The following TAS2R1 variants were observed in gnomAD, a reference collection of about 807,000 sequenced individuals.
TAS2R1 encodes taste 2 receptor member 1, also known as taste receptor type 2 member 1.
For missense variants in TAS2R1, 370 were observed against 353.4 expected (o/e 1.05, Z -0.38); for synonymous variants, 141 against 134.2 (o/e 1.05, Z -0.35).
chr5:9,834,753 TAA>T, the TAS2R1 span, among the ~76,000 whole-genome samples: 10 of 145,574 alleles, frequency 6.9e-5, no homozygotes, highest in South Asian at 2.2e-4. Context: ...ATTACTGCAT[TAA>T]AAAAAAAAAA....
chr5:9,727,927 A>C, the TAS2R1 span, among the ~76,000 whole-genome samples: 1 of 152,218 alleles, frequency 6.6e-6, no homozygotes, highest in African/African-American at 2.4e-5. Flanking sequence ...GGTAGAATGC[A>C]TCTTGGGTAT....
At chr5:9,731,103 C>T in the TAS2R1 span, among the ~76,000 whole-genome samples, 1 of 152,110 alleles carries the variant, frequency 6.6e-6, no homozygotes, top group Non-Finnish European at 1.5e-5. Flanking sequence ...GGTATGCCCT[C>T]CACCAGCTGA....
intron 1 of TAS2R1, among the ~76,000 whole-genome samples, chr5:9,672,997 A>T (rs999377779): frequency 2.6e-5 from 4 of 152,204 alleles, no homozygotes; most frequent in African/African-American, 9.6e-5. Context: ...TTGCAGCAAC[A>T]TGGAGGAAGC....
the TAS2R1 span, among the ~76,000 whole-genome samples, chr5:9,872,870 C>T: frequency 3.7e-4 from 56 of 152,306 alleles, no homozygotes; most frequent in East Asian, 9.6e-3. Context: ...TAAAATTCGC[C>T]AGTGCCCTGT....
the TAS2R1 span, among the ~76,000 whole-genome samples, chr5:9,728,688 G>A: frequency 2.6e-5 from 4 of 152,226 alleles, no homozygotes; most frequent in Non-Finnish European, 4.4e-5. Context: ...TCCCAGATGA[G>A]CTGAAGAAAT....
At position 9,660,056 on chromosome 5, in the gene TAS2R1, C is replaced by CTTTTTTTTT. The variant is rs1171409076; in HGVS notation, c.-241-484_-241-476dup. 63 of 123,110 alleles carry CTTTTTTTTT rather than the reference C, an allele frequency of 5.1e-4. 3 individuals carry two copies. Among genetic ancestry groups the CTTTTTTTTT allele is most frequent in the African/African-American group, 1.9e-3 (61 of 32,170 alleles). The allele number at this position is 123,110 out of a possible 1,614,324, so 7.6% of individuals were successfully genotyped here. ...CATTATGGAAAATCCTGAAATATTT[C>CTTTTTTTTT]TTTTTTTTTTTTTTTTTTTTGAGAC... On this transcript the variant is annotated intron_variant, in intron 1 of 2. Coordinates refer to the TAS2R1 transcript ENST00000506620.
the TAS2R1 span, among the ~76,000 whole-genome samples, chr5:9,802,103 T>C: frequency 2.4e-3 from 368 of 152,330 alleles, 1 homozygote; most frequent in African/African-American, 8.5e-3. Flanking sequence ...CACCACCTAC[T>C]GGCTGGCAGC....
chr5:9,877,193 C>A, the TAS2R1 span, among the ~76,000 whole-genome samples: 1 of 152,176 alleles, frequency 6.6e-6, no homozygotes, highest in Non-Finnish European at 1.5e-5. Flanking sequence ...TCTTGAAACC[C>A]ACTCTTCAAG....
chr5:9,840,857 A>ATTTTTTTTTTTTTT, the TAS2R1 span, among the ~76,000 whole-genome samples: 2 of 132,086 alleles, frequency 1.5e-5, no homozygotes, highest in African/African-American at 5.6e-5. Flanking sequence ...TTATTTATTT[A>ATTTTTTTTTTTTTT]TTTTTTTTTT....
chr5:9,751,107 A>T, the TAS2R1 span, among the ~76,000 whole-genome samples: 2 of 150,992 alleles, frequency 1.3e-5, no homozygotes, highest in Non-Finnish European at 2.9e-5. Flanking sequence ...GGTTCCTTAA[A>T]TATAAACTAA....
chr5:9,824,769 C>G, the TAS2R1 span, among the ~76,000 whole-genome samples: 1 of 149,666 alleles, frequency 6.7e-6, no homozygotes, highest in African/African-American at 2.5e-5. Flanking sequence ...ATAGCTTGAA[C>G]CTGGGCAGCG....
the TAS2R1 span, among the ~76,000 whole-genome samples, chr5:9,844,243 G>T: frequency 6.6e-6 from 1 of 152,120 alleles, no homozygotes; most frequent in African/African-American, 2.4e-5. Flanking sequence ...CCTCTTCCCA[G>T]ATTAAAACCC....
the TAS2R1 span, among the ~76,000 whole-genome samples, chr5:9,864,628 C>T: frequency 6.9e-6 from 1 of 145,270 alleles, no homozygotes; most frequent in Non-Finnish European, 1.5e-5. Flanking sequence ...AGCTAGACTC[C>T]ACTCAAAAAA....
chr5:9,700,717 T>C (rs1741461964), intron 1 of TAS2R1, among the ~76,000 whole-genome samples: 1 of 92,770 alleles, frequency 1.1e-5, no homozygotes, highest in African/African-American at 3.7e-5. Flanking sequence ...GCAGGATCAG[T>C]TTTCTCTGTT....
chr5:9,641,692 G>A (rs562423462), intron 2 of TAS2R1, among the ~76,000 whole-genome samples: 4 of 152,222 alleles, frequency 2.6e-5, no homozygotes, highest in Admixed American at 6.5e-5. Context: ...TGTTGGTCAT[G>A]CTCTTGCACT....
chr5:9,771,846 G>T, the TAS2R1 span, among the ~76,000 whole-genome samples: 2 of 152,002 alleles, frequency 1.3e-5, no homozygotes, highest in African/African-American at 4.8e-5. Flanking sequence ...TGAAGTGTCA[G>T]TTGTAATGTC....
chr5:9,725,334 C>T, the TAS2R1 span, among the ~76,000 whole-genome samples: 2 of 152,230 alleles, frequency 1.3e-5, no homozygotes, highest in South Asian at 4.1e-4. Context: ...GGAACCGGGG[C>T]TGCGCGCGGA....
At chr5:9,711,912 C>G (rs10072925) in intron 1 of TAS2R1, among the ~76,000 whole-genome samples, 13 of 151,662 alleles carry the variant, frequency 8.6e-5, no homozygotes, top group African/African-American at 3.1e-4. Flanking sequence ...GCGATGCACC[C>G]ACCTCGGCCT....
chr5:9,838,803 A>G, the TAS2R1 span, among the ~76,000 whole-genome samples: 9 of 152,346 alleles, frequency 5.9e-5, no homozygotes, highest in African/African-American at 2.2e-4. Context: ...CAGTTCCTTA[A>G]GGTCATCTTC....
Sources: gnomAD v4.1 joint callset for allele counts (sites outside exome capture counted in the v4.1 genomes callset) on GRCh38, gnomAD v4.1.1 for gene constraint, MANE v1.5 for transcripts, NCBI Gene and HGNC (gene_info 2026-07-23, HGNC 2026-07-21) for gene names.